Variants in ZFYVE28 observed in about 807,000 individuals in gnomAD.
ZFYVE28 encodes lateral signaling target protein 2 homolog.
ZFYVE28 carries 40 observed loss-of-function variants against 82.1 expected under a neutral mutation model. That is an observed-to-expected ratio of 0.49 (90% CI 0.38 to 0.63). The LOEUF (loss-of-function observed/expected upper bound fraction) is 0.63, where lower values mean the gene tolerates loss of function less well. ZFYVE28 is among the 30% of genes least tolerant of loss of function. ZFYVE28 has a pLI of 0.00. For missense variants in ZFYVE28, 1,321 were observed against 1,242.1 expected, an observed-to-expected ratio of 1.06 and a Z score of -0.96; for synonymous variants, 612 against 546.1, an observed-to-expected ratio of 1.12 and a Z score of -1.68.
At chr4:2,398,199 G>A (rs1286896973) in intron 1 of ZFYVE28, among the ~76,000 whole-genome samples, 1 of 152,220 alleles carries the variant, frequency 6.6e-6, no homozygotes, top group African/African-American at 2.4e-5. Context: ...ACAGGAGGCC[G>A]CATGGGTGGG....
intron 6 of ZFYVE28, among the ~76,000 whole-genome samples, chr4:2,326,188 T>C (rs997742065): frequency 1.2e-4 from 19 of 152,256 alleles, no homozygotes; most frequent in African/African-American, 4.6e-4. Context: ...TTAGAGTTTC[T>C]GGTCTTATAT....
intron 7 of ZFYVE28, among the ~76,000 whole-genome samples, chr4:2,311,283 T>C (rs1005865330): frequency 3.3e-5 from 5 of 152,216 alleles, no homozygotes; most frequent in Admixed American, 6.5e-5. Context: ...CCCAGCACTT[T>C]GGGAGGCCAA....
chr4:2,330,621 G>T, intron 6 of ZFYVE28: 1 of 1,353,104 alleles, frequency 7.4e-7, no homozygotes, highest in Non-Finnish European at 9.5e-7. Context: ...TAGACAAGGG[G>T]ACAGCATAGA....
intron 8 of ZFYVE28, among the ~76,000 whole-genome samples, chr4:2,298,281 G>A (rs534946385): frequency 2.0e-4 from 30 of 152,116 alleles, no homozygotes; most frequent in South Asian, 1.2e-3. Flanking sequence ...TGGGAGGAAC[G>A]GCAGAGGATG....
intron 8 of ZFYVE28, among the ~76,000 whole-genome samples, chr4:2,291,250 G>A (rs1168682095): frequency 2.0e-5 from 3 of 152,218 alleles, no homozygotes; most frequent in East Asian, 1.9e-4. Context: ...TCTTGCTTTC[G>A]GCTCAGTGAA....
chr4:2,356,495 AG>A (rs1303403461), intron 1 of ZFYVE28, among the ~76,000 whole-genome samples: 1 of 149,120 alleles, frequency 6.7e-6, no homozygotes, highest in Non-Finnish European at 1.5e-5. Context: ...CCAGAGACAC[AG>A]AGATGGACGG....
intron 8 of ZFYVE28, among the ~76,000 whole-genome samples, chr4:2,296,145 T>G (rs1266756314): frequency 1.3e-5 from 2 of 152,092 alleles, no homozygotes; most frequent in African/African-American, 2.4e-5. Flanking sequence ...TCTCTCCAGC[T>G]CTAGGCCAGC....
intron 2 of ZFYVE28, among the ~76,000 whole-genome samples, chr4:2,350,597 G>GC (rs1190760292): frequency 2.0e-5 from 3 of 152,200 alleles, no homozygotes; most frequent in Non-Finnish European, 4.4e-5. Flanking sequence ...TGGCTGGGGG[G>GC]CCCTAGACAG....
chr4:2,274,099 G>A lies in ZFYVE28; in HGVS notation c.2169C>T (p.Ser723=), dbSNP rs748783348. 5 of 1,613,594 alleles carry A rather than the reference G, an allele frequency of 3.1e-6. No homozygotes were observed. In the South Asian group the frequency reaches 4.4e-5, roughly 14 times the overall value. Residue 723 remains serine (S), a synonymous_variant, in exon 9 of 13, where the codon AGC becomes AGT. Transcript: ENST00000290974. ...CGAACAGGCGGTGGATGAGGTCGTG[G>A]CTGCCGTGGAACCTGGACCGGATCT... ...REKIRSRFHG[S]HDLIHRLFVC...
chr4:2,358,750 T>C (rs1725699877), intron 1 of ZFYVE28, among the ~76,000 whole-genome samples: 1 of 152,128 alleles, frequency 6.6e-6, no homozygotes, highest in African/African-American at 2.4e-5. Context: ...ATTGAAGTCC[T>C]AACCCCCAGG....
At position 2,291,072 on chromosome 4, in the gene ZFYVE28, C is replaced by G. The variant is rs545604665; in HGVS notation, c.2051+13217G>C. The stretch of plus-strand genomic sequence containing the variant: ...GCCCCCGGCACACGAGCGGGAGGAG[C>G]TCCTGTCGCCCTTCTCGTCTCGCAC... On this transcript the variant is annotated intron_variant, in intron 8 of 12. Coordinates refer to ENST00000290974, the MANE Select transcript of ZFYVE28 (RefSeq NM_020972.3). Among the ~76,000 whole-genome samples, 124 of 152,376 alleles carry G rather than the reference C, an allele frequency of 8.1e-4. 1 individual carries two copies. Among genetic ancestry groups the G allele is most frequent in the Middle Eastern group, 3.4e-3 (1 of 294 alleles).
At chr4:2,274,765 C>A (rs1455187656) in intron 8 of ZFYVE28, among the ~76,000 whole-genome samples, 1 of 152,180 alleles carries the variant, frequency 6.6e-6, no homozygotes, top group Non-Finnish European at 1.5e-5. Flanking sequence ...TTATAAGAGA[C>A]AGAAGAGGAC....
At chr4:2,352,898 C>T (rs1398094566) in intron 2 of ZFYVE28, among the ~76,000 whole-genome samples, 2 of 152,192 alleles carry the variant, frequency 1.3e-5, no homozygotes, top group Admixed American at 6.5e-5. Context: ...GGTGGGGCCA[C>T]GGGGCAGGTC....
intron 4 of ZFYVE28, among the ~76,000 whole-genome samples, chr4:2,337,882 A>ACAC (rs912695407): frequency 6.6e-6 from 1 of 151,956 alleles, no homozygotes; most frequent in African/African-American, 2.4e-5. Flanking sequence ...TAAAATACAC[A>ACAC]CACACACCCT....
In ZFYVE28 at chr4:2,339,531, C is replaced by T. The variant is rs558483527; in HGVS notation, c.443G>A (p.Arg148Gln). The T allele has an allele frequency of 7.4e-6, 12 of 1,613,794 alleles. No individual in the cohort carries two copies. Among genetic ancestry groups the T allele is most frequent in the African/African-American group, 5.3e-5 (4 of 75,060 alleles). The change falls in exon 4 of 13, where the codon CGG (arginine) becomes CAG (glutamine). Residue 148 changes from arginine (R) to glutamine (Q), a missense_variant. This residue lies in a region of ZFYVE28 where 343 missense variants were observed against 408.4 expected (regional missense o/e 0.84). Transcript: ENST00000290974. The surrounding 1 kb of genome is among the most constrained non-coding windows in gnomAD (Gnocchi z 5.0). Reference sequence around the variant, plus strand: ...CTTCTCTGTGTAGGTGTTCAGGTCCCGCAGCGCCTGGTCACGGAGGGCGCC... The same window carrying T: ...CTTCTCTGTGTAGGTGTTCAGGTCCTGCAGCGCCTGGTCACGGAGGGCGCC... ...VRGALRDQAL[R>Q]DLNTYTEKMR... is the part of the protein sequence containing the mutation.
Position 2,394,795 on chromosome 4 carries a change from T to G in ZFYVE28, c.39+23490A>C, listed in dbSNP as rs1344869649. 1.3e-5 allele frequency among the ~76,000 whole-genome samples: 2 copies of G among 152,226 alleles called. No individual in the cohort carries two copies. Among genetic ancestry groups the G allele is most frequent in the African/African-American group, 2.4e-5 (1 of 41,444 alleles). ...CTGTCGGCGGTCAGAGGCGTCCTCG[T>G]CCTTGCAGCAACCCTGGTGCCAGCG... On this transcript the variant is annotated intron_variant, in intron 1 of 12. Transcript: ENST00000290974. The surrounding 1 kb of genome is among the most constrained non-coding windows in gnomAD (Gnocchi z 4.0).
chr4:2,348,941 G>C (rs113378898), intron 2 of ZFYVE28, among the ~76,000 whole-genome samples: 2 of 152,122 alleles, frequency 1.3e-5, no homozygotes, highest in African/African-American at 2.4e-5. Context: ...AAGACACCAA[G>C]AGTTCCAGCT....
Position 2,270,546 on chromosome 4 carries a change from G to A in ZFYVE28, c.*179C>T, listed in dbSNP as rs894648932. The A allele has an allele frequency of 3.0e-5, 27 of 910,950 alleles. No homozygotes were observed. Among genetic ancestry groups the A allele is most frequent in the Middle Eastern group, 3.5e-4 (1 of 2,858 alleles). 56.4% of individuals were successfully genotyped at this position (910,950 alleles called of 1,614,324 possible). ...TCTTGTTGGCCCCTGCAGCCGGCCC[G>A]GGGTCCCTGCAGGGAGGCTAGCGTG... On this transcript the variant is annotated 3_prime_UTR_variant, in exon 13 of 13. Transcript: ENST00000290974.
Position 2,270,673 on chromosome 4 carries a change from C to A in ZFYVE28, c.*52G>T, listed in dbSNP as rs1019509859. The stretch of plus-strand genomic sequence containing the variant: ...GAGACCTGCCTGCAGCGTGGCCCCA[C>A]CTTCCTGGGGGTTCCTGGCCCGGGT... On this transcript the variant is annotated 3_prime_UTR_variant, in exon 13 of 13. Transcript: ENST00000290974. 35 of 1,609,254 alleles carry A rather than the reference C, an allele frequency of 2.2e-5. No individual in the cohort carries two copies. The highest frequency in any genetic ancestry group is 2.6e-5 in the Non-Finnish European group (31 of 1,178,012).
Sources: gnomAD v4.1 joint callset for allele counts (sites outside exome capture counted in the v4.1 genomes callset) on GRCh38, gnomAD v4.1.1 for gene constraint, gnomAD v4.1.1 regional missense constraint, Gnocchi (gnomAD v3.1) non-coding constraint, MANE v1.5 for transcripts, NCBI Gene and HGNC (gene_info 2026-07-23, HGNC 2026-07-21) for gene names.